Variants in CNTNAP5 observed in about 807,000 individuals in gnomAD.
The protein encoded by CNTNAP5 is contactin-associated protein-like 5.
In CNTNAP5, 72 loss-of-function variants were observed where a neutral mutation model predicts 150.2. That is an observed-to-expected ratio of 0.48 (90% CI 0.40 to 0.58). The LOEUF (loss-of-function observed/expected upper bound fraction) is 0.58, where lower values mean the gene tolerates loss of function less well. CNTNAP5 is among the 20% of genes least tolerant of loss of function. The pLI is 0.00. For synonymous variants in CNTNAP5, 672 were observed against 619.8 expected, an observed-to-expected ratio of 1.08 and a Z score of -1.25; for missense variants, 1,636 against 1,626.2, an observed-to-expected ratio of 1.01 and a Z score of -0.10.
chr2:124,801,813 C>A (rs760345871), intron 19 of CNTNAP5, among the ~76,000 whole-genome samples: 22 of 151,868 alleles, frequency 1.4e-4, no homozygotes, highest in Non-Finnish European at 2.6e-4. Context: ...TTTAATGTGA[C>A]TTTGATACAC....
At chr2:124,440,874 A>G (rs1464055124) in intron 5 of CNTNAP5, among the ~76,000 whole-genome samples, 3 of 152,122 alleles carry the variant, frequency 2.0e-5, no homozygotes, top group Non-Finnish European at 4.4e-5. Flanking sequence ...ATTAGAAACA[A>G]GTTAAAACTA....
At chr2:124,403,858 G>A (rs914740955) in intron 3 of CNTNAP5, among the ~76,000 whole-genome samples, 8 of 152,138 alleles carry the variant, frequency 5.3e-5, no homozygotes, top group African/African-American at 1.4e-4. Flanking sequence ...AGGACCAAAC[G>A]CACGTCTTAC....
chr2:124,414,616 C>T (rs759363652), intron 3 of CNTNAP5, among the ~76,000 whole-genome samples: 13 of 152,100 alleles, frequency 8.5e-5, no homozygotes, highest in Admixed American at 2.6e-4. Flanking sequence ...ACATTAGTCA[C>T]GGGATTAACT....
rs200069427 is a variant in CNTNAP5, at chr2:124,598,895, T to G, written c.1757-10906T>G. ...GAAAAGCGCAATATTCGGGTGGGAG[T>G]GACCCGATTTTCCAGGTGCGTCCGT... is the stretch of plus-strand genomic sequence containing the variant. On this transcript the variant is annotated intron_variant, in intron 11 of 23. Coordinates refer to ENST00000682447, the MANE Select transcript of CNTNAP5 (RefSeq NM_001367498.1). Among the ~76,000 whole-genome samples the G allele has an allele frequency of 1.4e-4, 22 of 152,020 alleles. No homozygotes were observed. The East Asian group carries it at 4.1e-3, about 28-fold the overall frequency.
chr2:124,094,780 T>C (rs989414536), intron 1 of CNTNAP5, among the ~76,000 whole-genome samples: 9 of 152,256 alleles, frequency 5.9e-5, no homozygotes, highest in African/African-American at 2.2e-4. Context: ...GGATGAGTTT[T>C]TGGGTGAGAT....
At chr2:124,689,742 C>T (rs929435009) in intron 13 of CNTNAP5, among the ~76,000 whole-genome samples, 2 of 152,022 alleles carry the variant, frequency 1.3e-5, no homozygotes, top group African/African-American at 4.8e-5. Flanking sequence ...TCAAAAAACA[C>T]TTCAATCTCT....
intron 1 of CNTNAP5, among the ~76,000 whole-genome samples, chr2:124,120,147 T>A (rs1683527896): frequency 6.6e-6 from 1 of 152,178 alleles, no homozygotes; most frequent in South Asian, 2.1e-4. Flanking sequence ...AGTGACAGAT[T>A]CAGCAATTAC....
At chr2:124,312,235 G>T (rs1688847627) in intron 3 of CNTNAP5, among the ~76,000 whole-genome samples, 1 of 152,234 alleles carries the variant, frequency 6.6e-6, no homozygotes, top group Non-Finnish European at 1.5e-5. Context: ...ATAAAGTAAA[G>T]TGTTTGAAAT....
At chr2:124,543,707 G>A (rs937867642) in intron 10 of CNTNAP5, among the ~76,000 whole-genome samples, 6 of 152,076 alleles carry the variant, frequency 3.9e-5, no homozygotes, top group African/African-American at 1.4e-4. Context: ...AGAAGTGCCT[G>A]GCAGAAACTT....
At chr2:124,235,938 CACTTATTT>C (rs1686735011) in intron 2 of CNTNAP5, among the ~76,000 whole-genome samples, 2 of 126,018 alleles carry the variant, frequency 1.6e-5, no homozygotes, top group Non-Finnish European at 3.2e-5. Flanking sequence ...GGCAAGTTCC[CACTTATTT>C]ATTTATTTAT....
intron 1 of CNTNAP5, among the ~76,000 whole-genome samples, chr2:124,199,192 A>C (rs1004893702): frequency 1.3e-5 from 2 of 152,138 alleles, no homozygotes; most frequent in Non-Finnish European, 2.9e-5. Flanking sequence ...CAAAGCTGGA[A>C]GGAGAAAATG....
rs191264903 is a variant in CNTNAP5, at chr2:124,316,662, G to T, written c.381+74269G>T. On this transcript the variant is annotated intron_variant, in intron 3 of 23. Coordinates refer to ENST00000682447, the MANE Select transcript of CNTNAP5 (RefSeq NM_001367498.1). ...CTACTAAAAATACAAAAAATTAGCC[G>T]GGAGTGGTGGCAGGTGCCTGTAGTC... 3.0e-3 allele frequency among the ~76,000 whole-genome samples: 462 copies of T among 151,700 alleles called. 2 individuals are homozygous for T. The highest frequency in any genetic ancestry group is 0.011 in the African/African-American group (440 of 41,402).
At chr2:124,868,850 A>T (rs1299396813) in intron 20 of CNTNAP5, among the ~76,000 whole-genome samples, 1 of 152,130 alleles carries the variant, frequency 6.6e-6, no homozygotes, top group Non-Finnish European at 1.5e-5. Flanking sequence ...ACTGTAAAAT[A>T]ATGAGGACTC....
At chr2:124,588,441 G>A (rs1187373726) in intron 11 of CNTNAP5, among the ~76,000 whole-genome samples, 2 of 151,806 alleles carry the variant, frequency 1.3e-5, no homozygotes, top group African/African-American at 4.8e-5. Context: ...TCGTCGGTCT[G>A]AGGAACATAC....
chr2:124,465,025 T>C (rs1192465890), intron 6 of CNTNAP5, among the ~76,000 whole-genome samples: 1 of 152,068 alleles, frequency 6.6e-6, no homozygotes, highest in Non-Finnish European at 1.5e-5. Flanking sequence ...GTGGGATCTT[T>C]AGAACAGGAA....
intron 3 of CNTNAP5, among the ~76,000 whole-genome samples, chr2:124,266,914 G>A (rs966456824): frequency 2.6e-5 from 4 of 151,568 alleles, no homozygotes; most frequent in Admixed American, 6.6e-5. Context: ...AATTACGTAC[G>A]CTTTTGCTGG....
At chr2:124,798,865 T>C (rs314724) in intron 19 of CNTNAP5, among the ~76,000 whole-genome samples, 139,798 of 152,106 alleles carry the variant, frequency 0.92, 64,371 homozygotes, top group African/African-American at 0.97. Context: ...TAATGACAAA[T>C]TGTGGCATTT....
intron 1 of CNTNAP5, among the ~76,000 whole-genome samples, chr2:124,123,132 G>T (rs528532993): frequency 6.6e-6 from 1 of 152,010 alleles, no homozygotes; most frequent in Admixed American, 6.6e-5. Context: ...GCAAGGGGTC[G>T]GGGAATTCCC....
intron 1 of CNTNAP5, among the ~76,000 whole-genome samples, chr2:124,168,152 T>C (rs1157087400): frequency 1.3e-5 from 2 of 152,188 alleles, no homozygotes; most frequent in African/African-American, 4.8e-5. Context: ...CCTCTCATGA[T>C]TACATTTTTC....
Sources: gnomAD v4.1 joint callset for allele counts (sites outside exome capture counted in the v4.1 genomes callset) on GRCh38, gnomAD v4.1.1 for gene constraint, MANE v1.5 for transcripts, NCBI Gene and HGNC (gene_info 2026-07-23, HGNC 2026-07-21) for gene names.